Variants in TSPAN9 observed in about 807,000 individuals in gnomAD.
TSPAN9 encodes the protein tetraspanin-9.
A neutral mutation model predicts 31.0 loss-of-function variants in TSPAN9; 16 were observed. That is an observed-to-expected ratio of 0.52 (90% confidence interval 0.35 to 0.78). The LOEUF is 0.78. TSPAN9 is among the 30% of genes least tolerant of loss of function. The pLI is 0.01. For synonymous variants in TSPAN9, 145 were observed against 121.6 expected (o/e 1.19, Z -1.27); for missense variants, 272 against 312.5 (o/e 0.87, Z 0.98).
At chr12:3,080,650 A>T (rs1227202802) in intron 1 of TSPAN9, among the ~76,000 whole-genome samples, 1 of 152,220 alleles carries the variant, frequency 6.6e-6, no homozygotes, top group African/African-American at 2.4e-5. Context: ...TAAAATCTTA[A>T]GTGTACATTT....
rs1591630870 is a variant in TSPAN9, at chr12:3,107,173, C to T, written c.-18+23454C>T. 1.3e-5 allele frequency among the ~76,000 whole-genome samples: 2 copies of T among 152,258 alleles called. No individual in the cohort carries two copies. Among genetic ancestry groups the T allele is most frequent in the South Asian group, 2.1e-4 (1 of 4,816 alleles). ...AATCCAATTAGACTTGAGCCGCCGG[C>T]GGCCCCCTCCGTGGGGAGTGGGGGA... On this transcript the variant is annotated intron_variant, in intron 2 of 8. Coordinates refer to ENST00000011898, the MANE Select transcript of TSPAN9 (RefSeq NM_006675.5). This position sits in a 1 kb window ranked among gnomAD's most constrained non-coding sequence, Gnocchi z 4.1.
chr12:3,208,603 A>C (rs1000743375), intron 3 of TSPAN9, among the ~76,000 whole-genome samples: 3 of 152,254 alleles, frequency 2.0e-5, no homozygotes, highest in African/African-American at 7.2e-5. Context: ...TGACCAGGAC[A>C]CAGAGCACAC....
intron 2 of TSPAN9, among the ~76,000 whole-genome samples, chr12:3,126,149 T>C (rs184660253): frequency 9.2e-5 from 14 of 152,340 alleles, no homozygotes; most frequent in Admixed American, 5.9e-4. Context: ...CTCTGTCAAA[T>C]GCATAAGACC....
chr12:3,131,129 G>GAA (rs59457295), intron 2 of TSPAN9, among the ~76,000 whole-genome samples: 8 of 148,118 alleles, frequency 5.4e-5, no homozygotes, highest in African/African-American at 1.7e-4. Flanking sequence ...CACTTTTGGG[G>GAA]AAAAAAAAAA....
intron 2 of TSPAN9, among the ~76,000 whole-genome samples, chr12:3,119,939 G>C (rs1206694365): frequency 6.6e-6 from 1 of 152,144 alleles, no homozygotes; most frequent in Non-Finnish European, 1.5e-5. Context: ...TGGGCTGGCT[G>C]TGTGACCATG....
intron 3 of TSPAN9, among the ~76,000 whole-genome samples, chr12:3,217,325 G>T (rs371705902): frequency 1.3e-5 from 2 of 152,282 alleles, no homozygotes; most frequent in African/African-American, 4.8e-5. Context: ...TGCACTCTAC[G>T]TGACCGGCAA....
intron 3 of TSPAN9, among the ~76,000 whole-genome samples, chr12:3,263,743 G>A (rs545463081): frequency 1.3e-5 from 2 of 152,362 alleles, no homozygotes; most frequent in South Asian, 4.1e-4. Flanking sequence ...AACAAGGCAG[G>A]AGAACGTTCT....
chr12:3,114,130 A>G (rs1047375459), intron 2 of TSPAN9, among the ~76,000 whole-genome samples: 16 of 152,218 alleles, frequency 1.1e-4, no homozygotes, highest in African/African-American at 3.1e-4. Context: ...GACTGTAAAC[A>G]TGTTAGGCTT....
Position 3,278,612 on chromosome 12 carries a change from C to G in TSPAN9, c.255C>G (p.Ser85Arg). 3.1e-6 allele frequency: 5 copies of G among 1,613,290 alleles called. No homozygotes were observed. The highest frequency in any genetic ancestry group is 3.4e-6 in the Non-Finnish European group (4 of 1,179,522). Residue 85 changes from serine to arginine, a missense_variant and splice_region_variant, in exon 4 of 9, where the codon AGC becomes AGG. Transcript: ENST00000011898. Reference sequence around the variant, plus strand: ...AGGAAAACAAGTGCCTCCTCCTCAGCGTAAGTTCTGTCCAAATCCCCAGCC... The same window carrying G: ...AGGAAAACAAGTGCCTCCTCCTCAGGGTAAGTTCTGTCCAAATCCCCAGCC... ...AIKENKCLLLSFFIVLLVILL... is the reference protein window; with the variant it reads ...AIKENKCLLLRFFIVLLVILL...
rs114753851 is a variant in TSPAN9 at position 3,260,437 on chromosome 12, C to G, written c.64-17984C>G. On this transcript the variant is annotated intron_variant, in intron 3 of 8. Transcript: ENST00000011898. ...GGGGCTTGACCCTTGTGGTTCTTGA[C>G]AGCAGAAGTGGAAACTTTTCCCCAG... Among the ~76,000 whole-genome samples, 469 of 152,316 alleles carry G rather than the reference C, an allele frequency of 3.1e-3. 1 individual carries two copies. The highest frequency in any genetic ancestry group is 0.01 in the African/African-American group (426 of 41,570).
At chr12:3,254,375 G>T (rs367847813) in intron 3 of TSPAN9, among the ~76,000 whole-genome samples, 60 of 152,328 alleles carry the variant, frequency 3.9e-4, no homozygotes, top group African/African-American at 1.3e-3. Context: ...GAGGTGAGAA[G>T]CGAGGGAGAA....
intron 2 of TSPAN9, among the ~76,000 whole-genome samples, chr12:3,118,055 G>A (rs1454686950): frequency 7.0e-6 from 1 of 142,538 alleles, no homozygotes; most frequent in Non-Finnish European, 1.6e-5. Context: ...TGTGACATGG[G>A]AAGCTATTTA....
chr12:3,116,412 G>C (rs983755018), intron 2 of TSPAN9, among the ~76,000 whole-genome samples: 1 of 152,184 alleles, frequency 6.6e-6, no homozygotes, highest in African/African-American at 2.4e-5. Flanking sequence ...GTCTTACTAG[G>C]TTCTGATGAA....
At chr12:3,110,538 T>C (rs1455000757) in intron 2 of TSPAN9, among the ~76,000 whole-genome samples, 1 of 152,192 alleles carries the variant, frequency 6.6e-6, no homozygotes, top group Non-Finnish European at 1.5e-5. Context: ...AACAGTCCAA[T>C]GGGTGTTTTT....
At chr12:3,198,859 GCACAGGC>G (rs1393640035) in intron 2 of TSPAN9, among the ~76,000 whole-genome samples, 1 of 147,462 alleles carries the variant, frequency 6.8e-6, no homozygotes, top group Middle Eastern at 3.2e-3. Flanking sequence ...GTCACCACCA[GCACAGGC>G]CACCACCAGC....
intron 2 of TSPAN9, among the ~76,000 whole-genome samples, chr12:3,154,440 G>C (rs929852733): frequency 6.6e-6 from 1 of 152,146 alleles, no homozygotes; most frequent in Non-Finnish European, 1.5e-5. Context: ...AATAGGTCTC[G>C]CTCGCACCCT....
intron 3 of TSPAN9, 56 bp downstream of exon 3, chr12:3,201,312 A>G (rs2098371637): frequency 2.0e-6 from 3 of 1,489,032 alleles, no homozygotes; most frequent in Non-Finnish European, 2.8e-6. Flanking sequence ...TTGGCTTACC[A>G]TAGCGTGAAT....
At chr12:3,207,104 C>T (rs7979334) in intron 3 of TSPAN9, among the ~76,000 whole-genome samples, 28,200 of 151,870 alleles carry the variant, frequency 0.19, 3,308 homozygotes, top group South Asian at 0.29. Flanking sequence ...GTGGAGAGTT[C>T]GGAGTGGGTT....
At chr12:3,230,598 G>A (rs1052512365) in intron 3 of TSPAN9, among the ~76,000 whole-genome samples, 82 of 152,122 alleles carry the variant, frequency 5.4e-4, no homozygotes, top group African/African-American at 2.0e-3. Context: ...TTCGGAGTGT[G>A]GTCTTCTAAA....
Sources: allele counts gnomAD v4.1 joint callset (sites outside exome capture counted in the v4.1 genomes callset), GRCh38; gene constraint gnomAD v4.1.1; non-coding constraint Gnocchi (gnomAD v3.1); transcripts MANE v1.5; gene names NCBI Gene and HGNC (gene_info 2026-07-23, HGNC 2026-07-21).